CLMN: variants seen among roughly 807,000 people sequenced by gnomAD.
CLMN encodes calmin (calponin-like, transmembrane).
In CLMN, 57 loss-of-function variants were observed where a neutral mutation model predicts 92.7. The ratio of observed to expected loss-of-function variants is 0.61; its 90% CI spans 0.50 to 0.77. The LOEUF (loss-of-function observed/expected upper bound fraction) is 0.77, where lower values mean the gene tolerates loss of function less well. CLMN is among the 30% of genes least tolerant of loss of function. CLMN has a pLI of 0.00. For missense variants in CLMN, 1,158 were observed against 1,237.5 expected (o/e 0.94, Z 0.96); for synonymous variants, 466 against 470.6 (o/e 0.99, Z 0.13).
At chr14:95,317,567 A>G (rs1901843395) in intron 1 of CLMN, among the ~76,000 whole-genome samples, 1 of 151,676 alleles carries the variant, frequency 6.6e-6, no homozygotes, top group Non-Finnish European at 1.5e-5. Flanking sequence ...TACAGGCGAG[A>G]GCACAGAGGA....
At chr14:95,319,582 C>G in intron 1 of CLMN, 129 bp downstream of exon 1, 1 of 759,692 alleles carries the variant, frequency 1.3e-6, no homozygotes, top group Non-Finnish European at 2.0e-6. Flanking sequence ...CCTCCCACCT[C>G]GAGGCAAGTG....
chr14:95,222,116 C>T (rs758446576), intron 3 of CLMN, among the ~76,000 whole-genome samples: 9 of 152,180 alleles, frequency 5.9e-5, no homozygotes, highest in Non-Finnish European at 1.2e-4. Flanking sequence ...TTAGATTCCT[C>T]CCTTCTCCTG....
Position 95,259,488 on chromosome 14 carries a change from C to G in CLMN, c.83-29355G>C, listed in dbSNP as rs142582492. ...CCACCCACCTCTTCCTGGGCCCCTC[C>G]TGGAGTTTCAAGAAACATCTGGGAG... On this transcript the variant is annotated intron_variant, in intron 1 of 12. Coordinates refer to ENST00000298912, the MANE Select transcript of CLMN (RefSeq NM_024734.4). This position sits in a 1 kb window ranked among gnomAD's most constrained non-coding sequence, Gnocchi z 4.3. Among the ~76,000 whole-genome samples the G allele has an allele frequency of 0.016, 2,402 of 152,242 alleles. 25 individuals carry two copies. The highest frequency in any genetic ancestry group is 0.024 in the Non-Finnish European group (1,601 of 67,992).
Position 95,223,864 on chromosome 14 carries a change from G to C in CLMN, c.145-9C>G. ...TCTAGAGGTGGGTTGCACTTTGAAAGAGAAGGGAAGAAAGTAGCCAATTAG... is the reference window on the plus strand; with the variant it reads ...TCTAGAGGTGGGTTGCACTTTGAAACAGAAGGGAAGAAAGTAGCCAATTAG... On this transcript the variant is annotated splice_polypyrimidine_tract_variant and intron_variant, in intron 2 of 12. Transcript: ENST00000298912. The C allele has an allele frequency of 6.3e-7, 1 of 1,598,120 alleles. No individual in the cohort carries two copies. The highest frequency in any genetic ancestry group is 8.6e-7 in the Non-Finnish European group (1 of 1,168,948).
At chr14:95,206,365 A>G (rs1413316025) in intron 8 of CLMN, among the ~76,000 whole-genome samples, 2 of 152,234 alleles carry the variant, frequency 1.3e-5, no homozygotes, top group Non-Finnish European at 2.9e-5. Context: ...TCAGGAAAGC[A>G]GGAAAAATCA....
Position 95,309,772 on chromosome 14 carries a change from C to T in CLMN, c.82+9939G>A, listed in dbSNP as rs139100062. On this transcript the variant is annotated intron_variant, in intron 1 of 12. Coordinates refer to ENST00000298912, the MANE Select transcript of CLMN (RefSeq NM_024734.4). ...AAACCTACAGGGCAGTCCAGCTGTGCAAATATCTCCCCAATGTGTCTCTTC... is the reference window on the plus strand; with the variant it reads ...AAACCTACAGGGCAGTCCAGCTGTGTAAATATCTCCCCAATGTGTCTCTTC... 4.9e-3 allele frequency among the ~76,000 whole-genome samples: 745 copies of T among 152,348 alleles called. 7 individuals are homozygous for T. Among genetic ancestry groups the T allele is most frequent in the African/African-American group, 0.013 (524 of 41,576 alleles).
intron 6 of CLMN, among the ~76,000 whole-genome samples, chr14:95,212,640 C>T (rs1316145030): frequency 6.6e-6 from 1 of 152,178 alleles, no homozygotes; most frequent in Non-Finnish European, 1.5e-5. Flanking sequence ...ATCCAAGAGA[C>T]ATGCCCATGT....
At chr14:95,216,326 C>A (rs190344118) in intron 4 of CLMN, among the ~76,000 whole-genome samples, 25 of 152,234 alleles carry the variant, frequency 1.6e-4, no homozygotes, top group Non-Finnish European at 3.4e-4. Flanking sequence ...TCCCACGACA[C>A]GTGGGAATTA....
At chr14:95,198,157 T>C (rs1450166097) in intron 9 of CLMN, among the ~76,000 whole-genome samples, 2 of 150,918 alleles carry the variant, frequency 1.3e-5, no homozygotes, top group Non-Finnish European at 3.0e-5. Context: ...TTAAGTGATT[T>C]TTCTGCCTCA....
At chr14:95,254,394 G>A (rs1898912121) in intron 1 of CLMN, among the ~76,000 whole-genome samples, 1 of 152,196 alleles carries the variant, frequency 6.6e-6, no homozygotes, top group Admixed American at 6.5e-5. Context: ...ATTTGCTGAT[G>A]TACAATTTCA....
Position 95,210,700 on chromosome 14 carries a change from A to T in CLMN, c.788T>A (p.Leu263His). 6.2e-7 allele frequency: 1 copy of T among 1,605,338 alleles called. No homozygotes were observed. The highest frequency in any genetic ancestry group is 8.5e-7 in the Non-Finnish European group (1 of 1,176,808). Residue 263 changes from leucine to histidine, a missense_variant, in exon 7 of 13, where the codon CTC becomes CAC. Coordinates refer to ENST00000298912, the MANE Select transcript of CLMN (RefSeq NM_024734.4). ...ACCACTGCTACCTTCTGGCTCCAGG[A>T]GCCTGGGGATGTGCAGGGCATCCTG... ...IAQDALHIPR[L>H]LEPEDIMVDT...
intron 1 of CLMN, among the ~76,000 whole-genome samples, chr14:95,234,372 G>A (rs1028788888): frequency 1.3e-5 from 2 of 152,122 alleles, no homozygotes; most frequent in African/African-American, 2.4e-5. Flanking sequence ...GCTTTGAGAC[G>A]CCCACCCCCC....
intron 1 of CLMN, among the ~76,000 whole-genome samples, chr14:95,274,411 C>T (rs1205719050): frequency 6.6e-6 from 1 of 152,150 alleles, no homozygotes; most frequent in African/African-American, 2.4e-5. Flanking sequence ...GCACAGCAGC[C>T]ACAGGCTGTG....
intron 1 of CLMN, among the ~76,000 whole-genome samples, chr14:95,287,404 G>A (rs1283231271): frequency 3.9e-5 from 6 of 152,318 alleles, no homozygotes; most frequent in South Asian, 4.1e-4. Flanking sequence ...AGCATGGCGC[G>A]ATGTTCAGGC....
chr14:95,318,233 A>T (rs1283555299), intron 1 of CLMN, among the ~76,000 whole-genome samples: 1 of 152,210 alleles, frequency 6.6e-6, no homozygotes, highest in African/African-American at 2.4e-5. Flanking sequence ...CCAGCAGAAG[A>T]CACTAATGCC....
intron 12 of CLMN, chr14:95,192,840 A>G (rs1405353545): frequency 2.6e-5 from 4 of 154,556 alleles, no homozygotes; most frequent in Non-Finnish European, 4.3e-5. Context: ...TAAATGCTCA[A>G]TGTAGACAAC....
intron 1 of CLMN, among the ~76,000 whole-genome samples, chr14:95,306,586 T>G (rs1241000019): frequency 6.6e-6 from 1 of 151,376 alleles, no homozygotes; most frequent in Non-Finnish European, 1.5e-5. Context: ...CCCAAACAAC[T>G]TAAGGAGGTA....
At chr14:95,264,265 G>A (rs1899378905) in intron 1 of CLMN, among the ~76,000 whole-genome samples, 1 of 152,170 alleles carries the variant, frequency 6.6e-6, no homozygotes, top group East Asian at 1.9e-4. Context: ...GAACTCCTGG[G>A]CTCAAGCAAT....
chr14:95,285,423 G>A (rs1366611666), intron 1 of CLMN, among the ~76,000 whole-genome samples: 1 of 152,168 alleles, frequency 6.6e-6, no homozygotes, highest in Non-Finnish European at 1.5e-5. Flanking sequence ...CAGGAAAGGA[G>A]AGTATGAAAT....
Sources: gnomAD v4.1 joint callset for allele counts (sites outside exome capture counted in the v4.1 genomes callset) on GRCh38, gnomAD v4.1.1 for gene constraint, Gnocchi (gnomAD v3.1) non-coding constraint, MANE v1.5 for transcripts, NCBI Gene and HGNC (gene_info 2026-07-23, HGNC 2026-07-21) for gene names.